ANKS1B: variants seen among roughly 807,000 people sequenced by gnomAD.
The protein encoded by ANKS1B is ankyrin repeat and sterile alpha motif domain-containing protein 1B.
Under a neutral mutation model 148.3 loss-of-function variants are expected in ANKS1B, and 36 were observed. The observed-to-expected ratio is 0.24, with a 90% CI of 0.19 to 0.32. ANKS1B has a LOEUF of 0.32. Ranked by LOEUF, ANKS1B falls within the 10% of genes least tolerant of loss-of-function variation. ANKS1B has a pLI of 1.00. For synonymous variants in ANKS1B, 542 were observed against 560.8 expected (o/e 0.97, Z 0.47); for missense variants, 1,157 against 1,542.6 (o/e 0.75, Z 4.19).
intron 20 of ANKS1B, 32 bp downstream of exon 20, chr12:98,807,812 C>G (rs2099062734): frequency 6.3e-7 from 1 of 1,596,060 alleles, no homozygotes; most frequent in African/African-American, 1.3e-5. Context: ...AGCGCAAGTT[C>G]AGGAGAAGAA....
intron 1 of ANKS1B, among the ~76,000 whole-genome samples, chr12:99,858,945 C>A (rs559956835): frequency 1.3e-5 from 2 of 151,914 alleles, no homozygotes; most frequent in African/African-American, 4.8e-5. Flanking sequence ...GTGGTGGGTG[C>A]GCCAAAATCT....
intron 1 of ANKS1B, among the ~76,000 whole-genome samples, chr12:99,921,496 C>A (rs886155773): frequency 1.1e-4 from 16 of 152,132 alleles, no homozygotes; most frequent in African/African-American, 3.6e-4. Context: ...TCCACAGACT[C>A]TGGGTATCTT....
At chr12:99,824,243 C>T (rs528413108) in intron 2 of ANKS1B, among the ~76,000 whole-genome samples, 1 of 151,856 alleles carries the variant, frequency 6.6e-6, no homozygotes, top group Non-Finnish European at 1.5e-5. Context: ...GGCGTGGTAG[C>T]TCACAATCGG....
chr12:99,183,504 G>A (rs537782219), intron 14 of ANKS1B, among the ~76,000 whole-genome samples: 30 of 152,214 alleles, frequency 2.0e-4, no homozygotes, highest in South Asian at 4.1e-4. Context: ...TTAGCCAGGC[G>A]TGGTGGTGGT....
intron 11 of ANKS1B, among the ~76,000 whole-genome samples, chr12:99,415,885 G>T (rs1215830749): frequency 6.6e-6 from 1 of 151,980 alleles, no homozygotes; most frequent in Non-Finnish European, 1.5e-5. Flanking sequence ...GGGTTTCACT[G>T]TGTTAGCCAG....
intron 8 of ANKS1B, among the ~76,000 whole-genome samples, chr12:99,753,848 C>A (rs1380601643): frequency 6.6e-6 from 1 of 151,736 alleles, no homozygotes; most frequent in Admixed American, 6.6e-5. Flanking sequence ...ATAGTGAAAC[C>A]CCATCTCTTC....
rs1356168304 is a variant in ANKS1B, at chr12:99,648,030, A to T, written c.1272+7037T>A. 1.1e-5 allele frequency: 13 copies of T among 1,133,698 alleles called. No individual in the cohort carries two copies. In the East Asian group the frequency reaches 3.1e-4, roughly 27 times the overall value. 70.2% of individuals were successfully genotyped at this position (1,133,698 alleles called of 1,614,324 possible). A position where few individuals can be genotyped will look rare whatever the true frequency, so the allele number is the denominator to read the frequency against. ...TCAATACCCCACCCTCCCTGTTCTC[A>T]GTCACTTGGGGACAAAAAAGAAAGC... is the stretch of plus-strand genomic sequence containing the variant. On this transcript the variant is annotated intron_variant, in intron 9 of 26. Coordinates refer to ENST00000683438, the MANE Select transcript of ANKS1B (RefSeq NM_001352186.2).
intron 26 of ANKS1B, among the ~76,000 whole-genome samples, chr12:98,746,629 T>C (rs1263292792): frequency 3.3e-5 from 5 of 152,246 alleles, no homozygotes; most frequent in Non-Finnish European, 7.3e-5. Flanking sequence ...CGTATGCTCA[T>C]GGAGGCAGGA....
intron 14 of ANKS1B, among the ~76,000 whole-genome samples, chr12:99,215,720 G>T (rs117099777): frequency 0.026 from 4,028 of 152,326 alleles, 84 homozygotes; most frequent in Non-Finnish European, 0.038. Flanking sequence ...TGGAACAGGT[G>T]TATTTACCCA....
chr12:99,779,776 A>T, intron 6 of ANKS1B, 95 bp downstream of exon 6: 1 of 910,788 alleles, frequency 1.1e-6, no homozygotes, highest in Non-Finnish European at 1.7e-6. Flanking sequence ...TTTGTTCAAA[A>T]GTAAACACTA....
Position 98,945,262 on chromosome 12 carries a change from G to A in ANKS1B, c.2778+107895C>T, listed in dbSNP as rs575434655. On this transcript the variant is annotated intron_variant, in intron 17 of 26. Transcript: ENST00000683438. The stretch of plus-strand genomic sequence containing the variant: ...TATAATCCCAGTACTTTGGGAGATC[G>A]AGATGGGCAGATCACTTGAGCTCAG... Among the ~76,000 whole-genome samples the A allele has an allele frequency of 2.9e-4, 44 of 152,194 alleles. 1 individual carries two copies. In the South Asian group the frequency reaches 4.8e-3, roughly 16 times the overall value.
At chr12:99,154,927 T>C (rs2075826829) in intron 14 of ANKS1B, 1 of 1,535,308 alleles carries the variant, frequency 6.5e-7, no homozygotes, top group African/African-American at 1.4e-5. Flanking sequence ...ATTTTTTTTG[T>C]CTGCAAGCTG....
intron 12 of ANKS1B, among the ~76,000 whole-genome samples, chr12:99,398,204 T>C (rs929713168): frequency 2.6e-5 from 4 of 152,150 alleles, no homozygotes; most frequent in Non-Finnish European, 4.4e-5. Flanking sequence ...ATAACTTCCA[T>C]AGAATGTCAA....
chr12:98,745,667 A>C lies in ANKS1B; in HGVS notation c.*72T>G. 1 of 1,579,686 alleles carries C rather than the reference A, an allele frequency of 6.3e-7. No homozygotes were observed. The highest frequency in any genetic ancestry group is 1.2e-5 in the South Asian group (1 of 85,576). ...TTCCTCCTGGGCTGGGTGGACGCGG[A>C]GGCGCGAAGGAAAGCCTGCTCCGGG... On this transcript the variant is annotated 3_prime_UTR_variant, in exon 27 of 27. Transcript: ENST00000683438.
At chr12:98,907,757 C>T (rs1306297012) in intron 17 of ANKS1B, among the ~76,000 whole-genome samples, 1 of 152,086 alleles carries the variant, frequency 6.6e-6, no homozygotes. Context: ...TGGGAGGGAC[C>T]CAGTGGGAGA....
intron 11 of ANKS1B, among the ~76,000 whole-genome samples, chr12:99,423,544 C>A (rs113921203): frequency 6.6e-6 from 1 of 152,106 alleles, no homozygotes; most frequent in Admixed American, 6.6e-5. Flanking sequence ...TGCACGTTCA[C>A]TGCAGCACTA....
At chr12:99,928,409 G>T (rs2153805732) in intron 1 of ANKS1B, among the ~76,000 whole-genome samples, 1 of 150,846 alleles carries the variant, frequency 6.6e-6, no homozygotes, top group African/African-American at 2.4e-5. Context: ...CTCCCGAGTA[G>T]CTGGGACTAC....
At chr12:99,319,032 G>C (rs1248729772) in intron 12 of ANKS1B, among the ~76,000 whole-genome samples, 1 of 152,188 alleles carries the variant, frequency 6.6e-6, no homozygotes, top group Non-Finnish European at 1.5e-5. Context: ...TGTGGTCTGA[G>C]AGATGGTTTG....
intron 10 of ANKS1B, among the ~76,000 whole-genome samples, chr12:99,497,274 A>T (rs1383395400): frequency 6.6e-6 from 1 of 152,232 alleles, no homozygotes; most frequent in Non-Finnish European, 1.5e-5. Flanking sequence ...ACAAGAAAAC[A>T]AGTCTGTACA....
Sources: gnomAD v4.1 joint callset for allele counts (sites outside exome capture counted in the v4.1 genomes callset) on GRCh38, gnomAD v4.1.1 for gene constraint, MANE v1.5 for transcripts, NCBI Gene and HGNC (gene_info 2026-07-23, HGNC 2026-07-21) for gene names.